The following IKZF2 variants were observed in gnomAD, a reference collection of about 807,000 sequenced individuals.
IKZF2 encodes the protein IKAROS family zinc finger 2.
In IKZF2, 15 loss-of-function variants were observed where a neutral mutation model predicts 49.2. The observed-to-expected ratio is 0.30, with a 90% confidence interval of 0.20 to 0.47. IKZF2 has a LOEUF of 0.47. Among genes scored for constraint, IKZF2 ranks in the 20% least tolerant of loss-of-function variants. The pLI, the probability that IKZF2 is intolerant of heterozygous loss-of-function variation, is 1.00. For synonymous variants in IKZF2, 227 were observed against 221.4 expected, an observed-to-expected ratio of 1.03 and a Z score of -0.23; for missense variants, 567 against 664.6, an observed-to-expected ratio of 0.85 and a Z score of 1.61.
At chr2:213,058,217 G>A (rs17357422) in intron 4 of IKZF2, among the ~76,000 whole-genome samples, 34,308 of 151,864 alleles carry the variant, frequency 0.23, 4,287 homozygotes, top group Non-Finnish European at 0.27. Context: ...ATGGCTCTGT[G>A]GTAGAAAAGT....
intron 6 of IKZF2, among the ~76,000 whole-genome samples, chr2:213,045,961 T>C (rs982329739): frequency 6.6e-6 from 1 of 152,184 alleles, no homozygotes; most frequent in African/African-American, 2.4e-5. Context: ...GACTCTAAGA[T>C]TCAGCAGATG....
intron 4 of IKZF2, among the ~76,000 whole-genome samples, chr2:213,089,616 T>C (rs1042199282): frequency 6.6e-6 from 1 of 152,174 alleles, no homozygotes; most frequent in Non-Finnish European, 1.5e-5. Context: ...TAATAGAACA[T>C]TTTTGGCTGA....
intron 4 of IKZF2, among the ~76,000 whole-genome samples, chr2:213,077,993 G>A (rs1376903208): frequency 6.6e-6 from 1 of 152,034 alleles, no homozygotes; most frequent in East Asian, 1.9e-4. Flanking sequence ...TATAACACAA[G>A]TGGGTTAGAG....
At chr2:213,142,320 A>C (rs927737181) in intron 4 of IKZF2, among the ~76,000 whole-genome samples, 1 of 151,848 alleles carries the variant, frequency 6.6e-6, no homozygotes. Flanking sequence ...TCCTGCTTCA[A>C]TTTTTACCCT....
chr2:213,111,458 ATTAT>A (rs1161939190), intron 4 of IKZF2, among the ~76,000 whole-genome samples: 1 of 152,008 alleles, frequency 6.6e-6, no homozygotes, highest in Non-Finnish European at 1.5e-5. Context: ...TTGTTTATGA[ATTAT>A]TTGTCTTTCA....
chr2:213,049,907 T>G, intron 5 of IKZF2, 27 bp from the exon 6 acceptor site: 1 of 1,505,126 alleles, frequency 6.6e-7, no homozygotes. Context: ...AAATGGGAAG[T>G]ATCAACTAGG....
intron 4 of IKZF2, among the ~76,000 whole-genome samples, chr2:213,104,648 G>A (rs1049287293): frequency 6.6e-6 from 1 of 152,146 alleles, no homozygotes; most frequent in South Asian, 2.1e-4. Context: ...ATAAGGGCAC[G>A]CATAGAAGCA....
intron 6 of IKZF2, among the ~76,000 whole-genome samples, chr2:213,039,598 A>T (rs1564612): frequency 0.46 from 70,166 of 151,884 alleles, 18,763 homozygotes; most frequent in East Asian, 0.76. Flanking sequence ...ACATGTTCAG[A>T]ATAGTTTAGG....
intron 8 of IKZF2, among the ~76,000 whole-genome samples, chr2:213,013,123 G>C (rs1696158147): frequency 6.6e-6 from 1 of 151,536 alleles, no homozygotes; most frequent in South Asian, 2.1e-4. Context: ...TCATAGGCTG[G>C]ATGAAAAAAC....
intron 6 of IKZF2, among the ~76,000 whole-genome samples, chr2:213,032,164 G>A (rs1421891036): frequency 1.3e-5 from 2 of 152,048 alleles, no homozygotes; most frequent in African/African-American, 4.8e-5. Context: ...AAACAGAAAG[G>A]CTAGTAAGAA....
intron 8 of IKZF2, among the ~76,000 whole-genome samples, chr2:213,012,220 T>A (rs1405454058): frequency 2.0e-5 from 3 of 151,786 alleles, no homozygotes; most frequent in African/African-American, 7.2e-5. Context: ...TCTCAAATTC[T>A]TAATTAAAAA....
chr2:213,121,318 G>C (rs899093248), intron 4 of IKZF2, among the ~76,000 whole-genome samples: 1 of 152,148 alleles, frequency 6.6e-6, no homozygotes, highest in South Asian at 2.1e-4. Context: ...AGAAATATAA[G>C]GTCAACCAGG....
At chr2:213,117,988 G>C (rs905449199) in intron 4 of IKZF2, among the ~76,000 whole-genome samples, 2 of 151,910 alleles carry the variant, frequency 1.3e-5, no homozygotes, top group Non-Finnish European at 2.9e-5. Flanking sequence ...TCTACAACAT[G>C]CATAGATTCT....
chr2:213,131,596 A>G (rs1368603565), intron 4 of IKZF2, among the ~76,000 whole-genome samples: 1 of 152,218 alleles, frequency 6.6e-6, no homozygotes, highest in Non-Finnish European at 1.5e-5. Context: ...GAAAAGATGT[A>G]TATTTTGAAG....
At chr2:213,009,577 G>A (rs779148754) in intron 8 of IKZF2, among the ~76,000 whole-genome samples, 2 of 152,026 alleles carry the variant, frequency 1.3e-5, no homozygotes, top group Non-Finnish European at 2.9e-5. Flanking sequence ...AACACAAAAC[G>A]AGGAGAAATT....
chr2:213,077,657 G>A (rs1041739982), intron 4 of IKZF2, among the ~76,000 whole-genome samples: 9 of 142,154 alleles, frequency 6.3e-5, no homozygotes, highest in Non-Finnish European at 1.0e-4. Flanking sequence ...GTGCAATTTC[G>A]GCTCACTGCA....
At chr2:213,091,939 TTTTA>T (rs199792188) in intron 4 of IKZF2, among the ~76,000 whole-genome samples, 58 of 151,122 alleles carry the variant, frequency 3.8e-4, no homozygotes, top group African/African-American at 1.4e-3. Context: ...CTCATACTAT[TTTTA>T]TTTAATTTAT....
intron 6 of IKZF2, among the ~76,000 whole-genome samples, chr2:213,046,565 C>G (rs781740696): frequency 9.2e-5 from 14 of 152,154 alleles, no homozygotes; most frequent in Non-Finnish European, 1.8e-4. Context: ...GAATTTCATT[C>G]AGCTAGTACA....
At chr2:213,008,920 C>A (rs1449255369) in intron 8 of IKZF2, among the ~76,000 whole-genome samples, 2 of 151,816 alleles carry the variant, frequency 1.3e-5, no homozygotes. Context: ...TTTTAAAAGT[C>A]ATTATTAAAA....
Sources: gnomAD v4.1 joint callset for allele counts (sites outside exome capture counted in the v4.1 genomes callset) on GRCh38, gnomAD v4.1.1 for gene constraint, MANE v1.5 for transcripts, NCBI Gene and HGNC (gene_info 2026-07-23, HGNC 2026-07-21) for gene names.